The following PACRG variants were observed in gnomAD, a reference collection of about 807,000 sequenced individuals.
The protein encoded by PACRG is parkin coregulated.
PACRG carries 29 observed loss-of-function variants against 29.7 expected under a neutral mutation model. The observed-to-expected ratio is 0.98, with a 90% CI of 0.73 to 1.33. The LOEUF is 1.33. PACRG is among the 40% of genes most tolerant of loss of function. The probability of loss-of-function intolerance (pLI) is 0.00; values close to 1 mark genes in which losing one functional copy is unlikely to be tolerated. For synonymous variants in PACRG, 116 were observed against 118.7 expected (o/e 0.98, Z 0.15); for missense variants, 279 against 316.2 (o/e 0.88, Z 0.89).
chr6:163,294,051 A>C (rs572517377), intron 4 of PACRG, among the ~76,000 whole-genome samples: 46 of 152,146 alleles, frequency 3.0e-4, no homozygotes, highest in South Asian at 8.3e-4. Context: ...TTTACCCCCC[A>C]AAAAAATTAA....
chr6:162,828,845 T>C lies in PACRG; in HGVS notation c.291+14564T>C, dbSNP rs1297158582. On this transcript the variant is annotated intron_variant, in intron 2 of 4. Coordinates refer to ENST00000366888, the MANE Select transcript of PACRG (RefSeq NM_001080379.2). ...AGAGAATGCAATGAAAATAATCTAG[T>C]AAATTGTGCAATTTCAGGACCTAGT... 2.0e-5 allele frequency among the ~76,000 whole-genome samples: 3 copies of C among 152,216 alleles called. No homozygotes were observed. In the East Asian group the frequency reaches 5.8e-4, roughly 29 times the overall value.
At chr6:162,995,737 G>C (rs1180657082) in intron 2 of PACRG, among the ~76,000 whole-genome samples, 1 of 152,216 alleles carries the variant, frequency 6.6e-6, no homozygotes, top group Non-Finnish European at 1.5e-5. Flanking sequence ...GACCGGAGCT[G>C]TTCCTATTCG....
At chr6:162,896,628 A>G (rs964747081) in intron 2 of PACRG, among the ~76,000 whole-genome samples, 4 of 152,226 alleles carry the variant, frequency 2.6e-5, no homozygotes, top group African/African-American at 9.6e-5. Flanking sequence ...GGTATATTAT[A>G]AACGTATCCA....
chr6:162,831,238 T>C (rs1481717005), intron 2 of PACRG, among the ~76,000 whole-genome samples: 1 of 152,216 alleles, frequency 6.6e-6, no homozygotes, highest in Non-Finnish European at 1.5e-5. Flanking sequence ...CACTTATTCA[T>C]TCTAAGATAG....
At chr6:163,112,921 T>C (rs1259411634) in intron 4 of PACRG, among the ~76,000 whole-genome samples, 1 of 152,126 alleles carries the variant, frequency 6.6e-6, no homozygotes, top group Non-Finnish European at 1.5e-5. Context: ...AAACAACAGA[T>C]AGTAGACATT....
rs542902051 is a variant in PACRG at position 163,037,331 on chromosome 6, T to A, written c.292-24819T>A. Reference sequence around the variant, plus strand: ...GTCTGCAATCTGCCTCACGTTGTCCTCTCTTCTCACTCCTACAAATGTTCG... The same window carrying A: ...GTCTGCAATCTGCCTCACGTTGTCCACTCTTCTCACTCCTACAAATGTTCG... On this transcript the variant is annotated intron_variant, in intron 2 of 4. Transcript: ENST00000366888. Among the ~76,000 whole-genome samples, 13 of 152,354 alleles carry A rather than the reference T, an allele frequency of 8.5e-5. 1 individual carries two copies. In the South Asian group the frequency reaches 2.7e-3, roughly 32 times the overall value.
chr6:163,102,368 T>C (rs1585215937), intron 4 of PACRG, among the ~76,000 whole-genome samples: 1 of 152,200 alleles, frequency 6.6e-6, no homozygotes. Flanking sequence ...TCTTAGCTAA[T>C]GAAACAGTGA....
At chr6:162,957,607 A>G in intron 2 of PACRG, 1 of 180,718 alleles carries the variant, frequency 5.5e-6, no homozygotes, top group East Asian at 1.4e-4. Flanking sequence ...ACGTCCATGG[A>G]AGAGGCTGTG....
At chr6:163,093,877 A>G (rs1271229367) in intron 4 of PACRG, among the ~76,000 whole-genome samples, 4 of 152,244 alleles carry the variant, frequency 2.6e-5, no homozygotes, top group South Asian at 2.1e-4. Flanking sequence ...ACATTAAAAC[A>G]TATGGGGAAT....
chr6:163,075,567 G>A (rs1272964773), intron 3 of PACRG, among the ~76,000 whole-genome samples: 1 of 152,092 alleles, frequency 6.6e-6, no homozygotes, highest in Non-Finnish European at 1.5e-5. Flanking sequence ...GACAAAGTTG[G>A]TTTTATTTCA....
chr6:162,760,133 G>T (rs928230370), intron 1 of PACRG, among the ~76,000 whole-genome samples: 2 of 152,162 alleles, frequency 1.3e-5, no homozygotes, highest in African/African-American at 4.8e-5. Flanking sequence ...CTACTGATCT[G>T]ACTACTCCAA....
intron 4 of PACRG, among the ~76,000 whole-genome samples, chr6:163,094,088 T>A (rs1670911641): frequency 6.6e-6 from 1 of 152,224 alleles, no homozygotes; most frequent in African/African-American, 2.4e-5. Context: ...GTGAATTCTC[T>A]GGGACCAATT....
upstream of PACRG, among the ~76,000 whole-genome samples, chr6:162,727,441 G>A (rs925492819): frequency 1.3e-5 from 2 of 152,060 alleles, no homozygotes; most frequent in Admixed American, 1.3e-4. Context: ...AACGCTCAGA[G>A]CAGGGGCGGG....
At position 162,777,625 on chromosome 6, in the gene PACRG, T is replaced by G. The variant is rs1783751904; in HGVS notation, c.157-36522T>G. Reference sequence around the variant, plus strand: ...AGGTAAAATTGCCAAAGTAGACTCCTTTGAGTTTTGGGATTTTTTTAATTT... The same window carrying G: ...AGGTAAAATTGCCAAAGTAGACTCCGTTGAGTTTTGGGATTTTTTTAATTT... On this transcript the variant is annotated intron_variant, in intron 1 of 4. Coordinates refer to ENST00000366888, the MANE Select transcript of PACRG (RefSeq NM_001080379.2). This position sits in a 1 kb window ranked among gnomAD's most constrained non-coding sequence, Gnocchi z 4.0. Among the ~76,000 whole-genome samples, 1 of 152,168 alleles carries G rather than the reference T, an allele frequency of 6.6e-6. No homozygotes were observed. The highest frequency in any genetic ancestry group is 1.5e-5 in the Non-Finnish European group (1 of 68,034).
chr6:163,130,158 C>T (rs1272439268), intron 4 of PACRG, among the ~76,000 whole-genome samples: 1 of 152,126 alleles, frequency 6.6e-6, no homozygotes, highest in African/African-American at 2.4e-5. Context: ...CTTATATAAC[C>T]ACAAAGCCGC....
intron 1 of PACRG, among the ~76,000 whole-genome samples, chr6:162,734,787 G>A (rs1780032841): frequency 6.6e-6 from 1 of 152,144 alleles, no homozygotes. Flanking sequence ...CTCACATATT[G>A]TAAGTGAATC....
chr6:163,206,596 G>A (rs966219238), intron 4 of PACRG, among the ~76,000 whole-genome samples: 1 of 152,048 alleles, frequency 6.6e-6, no homozygotes, highest in Admixed American at 6.5e-5. Flanking sequence ...TACTTATCAG[G>A]TACTATGCTT....
intron 2 of PACRG, among the ~76,000 whole-genome samples, chr6:162,970,148 C>T (rs1023057776): frequency 1.3e-5 from 2 of 152,156 alleles, no homozygotes; most frequent in East Asian, 1.9e-4. Flanking sequence ...GTGAAATGGG[C>T]CTCGGTTTCT....
intron 1 of PACRG, among the ~76,000 whole-genome samples, chr6:162,741,345 G>C (rs1780578599): frequency 6.6e-6 from 1 of 152,112 alleles, no homozygotes; most frequent in South Asian, 2.1e-4. Flanking sequence ...CCATAGACTG[G>C]GTGGCTTAAA....
Sources: gnomAD v4.1 joint callset for allele counts (sites outside exome capture counted in the v4.1 genomes callset) on GRCh38, gnomAD v4.1.1 for gene constraint, Gnocchi (gnomAD v3.1) non-coding constraint, MANE v1.5 for transcripts, NCBI Gene and HGNC (gene_info 2026-07-23, HGNC 2026-07-21) for gene names.